TLN2: variants seen among roughly 807,000 people sequenced by gnomAD.
TLN2 encodes talin 2, also known as talin-2.
In TLN2, 118 loss-of-function variants were observed where a neutral mutation model predicts 294.7. The ratio of observed to expected loss-of-function variants is 0.40; its 90% confidence interval spans 0.34 to 0.47. TLN2 has a LOEUF of 0.47. Ranked by LOEUF, TLN2 falls within the 20% of genes least tolerant of loss-of-function variation. The probability of loss-of-function intolerance (pLI) is 0.84; values close to 1 mark genes in which losing one functional copy is unlikely to be tolerated. For missense variants in TLN2, 3,083 were observed against 3,282.2 expected (o/e 0.94, Z 1.48); for synonymous variants, 1,431 against 1,304.5 (o/e 1.10, Z -2.09).
At chr15:62,552,240 A>T (rs1006624178) in intron 1 of TLN2, among the ~76,000 whole-genome samples, 1 of 152,194 alleles carries the variant, frequency 6.6e-6, no homozygotes, top group African/African-American at 2.4e-5. Flanking sequence ...TTTATGGGCT[A>T]TATTTTTATT....
chr15:62,677,837 C>T (rs1229380523), intron 11 of TLN2, among the ~76,000 whole-genome samples: 2 of 23,104 alleles, frequency 8.7e-5, no homozygotes, highest in African/African-American at 2.2e-4. Flanking sequence ...GGAGATTCAC[C>T]CAGGCTAGAG....
intron 28 of TLN2, among the ~76,000 whole-genome samples, chr15:62,731,059 G>A (rs373620208): frequency 3.3e-5 from 5 of 151,876 alleles, no homozygotes; most frequent in East Asian, 1.9e-4. Context: ...TCTCTTTAGC[G>A]GTGTCTATTC....
At chr15:62,833,483 G>C (rs1416615213) in intron 54 of TLN2, 21 bp from the exon 55 acceptor site, 6 of 1,611,746 alleles carry the variant, frequency 3.7e-6, no homozygotes, top group Non-Finnish European at 4.2e-6. Flanking sequence ...TGAATGTGAT[G>C]CTGTTTTCTT....
chr15:62,769,041 C>T (rs544277910), intron 41 of TLN2, among the ~76,000 whole-genome samples: 1 of 152,370 alleles, frequency 6.6e-6, no homozygotes, highest in African/African-American at 2.4e-5. Context: ...CCCAGCCATG[C>T]TACCTCCATG....
At position 62,753,853 on chromosome 15, in the gene TLN2, G is replaced by T; in HGVS notation, c.4413G>T (p.Arg1471Ser). The T allele has an allele frequency of 6.2e-7, 1 of 1,611,752 alleles. No homozygotes were observed. The highest frequency in any genetic ancestry group is 8.5e-7 in the Non-Finnish European group (1 of 1,179,104). Residue 1471 changes from arginine to serine, a missense_variant, in exon 36 of 59, where the codon AGG becomes AGT. Coordinates refer to ENST00000636159, the MANE Select transcript of TLN2 (RefSeq NM_015059.3). ...QGLVDPIQFARANQAIQMACQ... is the reference protein window; with the variant it reads ...QGLVDPIQFASANQAIQMACQ... ...TGGTGGACCCCATCCAGTTTGCCAGGGCTAACCAGGCCATCCAGATGGCAT... is the reference window on the plus strand; with the variant it reads ...TGGTGGACCCCATCCAGTTTGCCAGTGCTAACCAGGCCATCCAGATGGCAT...
At chr15:62,690,480 A>G (rs1358660136) in intron 12 of TLN2, 1 of 30,440 alleles carries the variant, frequency 3.3e-5, no homozygotes, top group Non-Finnish European at 7.9e-5. Context: ...GGCGCTCCTC[A>G]CTTCTAGATG....
At chr15:62,464,607 T>G (rs1271424528) in intron 1 of TLN2, among the ~76,000 whole-genome samples, 1 of 151,758 alleles carries the variant, frequency 6.6e-6, no homozygotes, top group African/African-American at 2.4e-5. Context: ...ACCTGACTTG[T>G]GAGAGGTAAT....
chr15:62,506,807 A>C (rs1227538800), intron 1 of TLN2, among the ~76,000 whole-genome samples: 2 of 152,262 alleles, frequency 1.3e-5, no homozygotes, highest in East Asian at 3.8e-4. Context: ...TCTTTTCAAA[A>C]TCATGTGTGA....
chr15:62,460,405 C>T (rs1239252150), intron 1 of TLN2, among the ~76,000 whole-genome samples: 3 of 152,140 alleles, frequency 2.0e-5, no homozygotes, highest in South Asian at 2.1e-4. Context: ...GCTGGGATTA[C>T]AGGCATGTGC....
chr15:62,528,669 G>GA (rs2040863940), intron 1 of TLN2, among the ~76,000 whole-genome samples: 21 of 93,582 alleles, frequency 2.2e-4, no homozygotes, highest in African/African-American at 8.4e-4. Flanking sequence ...TCCAGAGCTT[G>GA]CTTTTTTTTT....
chr15:62,626,049 T>G (rs1362870822), intron 3 of TLN2, among the ~76,000 whole-genome samples: 2 of 152,172 alleles, frequency 1.3e-5, no homozygotes, highest in African/African-American at 4.8e-5. Context: ...CCTATACCCT[T>G]GACTTCCAGC....
At chr15:62,797,553 T>C (rs2141134624) in intron 48 of TLN2, 151 bp downstream of exon 48, 1 of 950,812 alleles carries the variant, frequency 1.1e-6, no homozygotes, top group Non-Finnish European at 1.5e-6. Flanking sequence ...TAGGAGGCAG[T>C]CATCCAAGCG....
intron 41 of TLN2, 136 bp from the exon 42 acceptor site, chr15:62,770,828 G>C (rs546320319): frequency 9.5e-7 from 1 of 1,051,648 alleles, no homozygotes; most frequent in Admixed American, 2.6e-5. Flanking sequence ...ACTTTCAGCA[G>C]TAAATTGCAG....
In TLN2 at chr15:62,402,358, C is replaced by G. The variant is rs867045844; in HGVS notation, c.-238+11673C>G. On this transcript the variant is annotated intron_variant, in intron 1 of 58. Coordinates refer to ENST00000636159, the MANE Select transcript of TLN2 (RefSeq NM_015059.3). ...CACCAGTCTGACCGTCCCCTTTTCT[C>G]TTTTGTCTTATTGCCTCTAGTACTT... 2.0e-5 allele frequency among the ~76,000 whole-genome samples: 3 copies of G among 152,308 alleles called. No homozygotes were observed. In the East Asian group the frequency reaches 5.8e-4, roughly 29 times the overall value.
At chr15:62,614,013 CTT>C (rs1205500794) in intron 2 of TLN2, among the ~76,000 whole-genome samples, 2 of 152,086 alleles carry the variant, frequency 1.3e-5, no homozygotes, top group African/African-American at 4.8e-5. Context: ...CCTGGGAAAA[CTT>C]TTGAAGCTAA....
At chr15:62,447,578 C>T (rs1442199071) in intron 1 of TLN2, among the ~76,000 whole-genome samples, 2 of 151,290 alleles carry the variant, frequency 1.3e-5, no homozygotes, top group African/African-American at 4.9e-5. Flanking sequence ...ACTGCAAGCT[C>T]CGCCTCCTGG....
chr15:62,718,726 A>C (rs558755073), intron 24 of TLN2, among the ~76,000 whole-genome samples: 2 of 152,310 alleles, frequency 1.3e-5, no homozygotes, highest in East Asian at 1.9e-4. Context: ...TTGGGTCCTC[A>C]GCTCAGCTGC....
intron 1 of TLN2, among the ~76,000 whole-genome samples, chr15:62,488,001 C>T (rs1364710001): frequency 6.6e-6 from 1 of 151,844 alleles, no homozygotes; most frequent in Non-Finnish European, 1.5e-5. Flanking sequence ...TCACTTGAGC[C>T]CAGGAGAGAG....
chr15:62,537,967 A>G (rs1414428368), intron 1 of TLN2, among the ~76,000 whole-genome samples: 1 of 152,130 alleles, frequency 6.6e-6, no homozygotes, highest in Non-Finnish European at 1.5e-5. Context: ...CACGTCTGTA[A>G]TCGCAGCACT....
Sources: allele counts gnomAD v4.1 joint callset (sites outside exome capture counted in the v4.1 genomes callset), GRCh38; gene constraint gnomAD v4.1.1; transcripts MANE v1.5; gene names NCBI Gene and HGNC (gene_info 2026-07-23, HGNC 2026-07-21).